NRXN2: variants seen among roughly 807,000 people sequenced by gnomAD.
NRXN2 encodes neurexin-2-beta.
In NRXN2, 29 loss-of-function variants were observed where a neutral mutation model predicts 128.8. The ratio of observed to expected loss-of-function variants is 0.23; its 90% CI spans 0.17 to 0.31. The LOEUF (loss-of-function observed/expected upper bound fraction) is 0.31. Among genes scored for constraint, NRXN2 ranks in the 10% least tolerant of loss-of-function variants. The pLI, the probability that NRXN2 is intolerant of heterozygous loss-of-function variation, is 1.00. For synonymous variants in NRXN2, 1,098 were observed against 1,075.2 expected (o/e 1.02, Z -0.41); for missense variants, 1,881 against 2,452.6 (o/e 0.77, Z 4.92).
At chr11:64,686,350 T>A (rs1416938960) in intron 5 of NRXN2, among the ~76,000 whole-genome samples, 1 of 152,108 alleles carries the variant, frequency 6.6e-6, no homozygotes, top group Non-Finnish European at 1.5e-5. Flanking sequence ...CCCTGGGTGC[T>A]CCTCCCGTAT....
chr11:64,720,173 C>G (rs1184733766), intron 1 of NRXN2, among the ~76,000 whole-genome samples: 3 of 152,250 alleles, frequency 2.0e-5, no homozygotes, highest in East Asian at 3.8e-4. Context: ...CCATGCCAAA[C>G]AGTGGTGGTG....
intron 6 of NRXN2, among the ~76,000 whole-genome samples, chr11:64,684,847 C>G (rs751473502): frequency 6.6e-6 from 1 of 152,196 alleles, no homozygotes. Context: ...CCAGTGGGAG[C>G]ATCTGGGAAC....
intron 18 of NRXN2, among the ~76,000 whole-genome samples, chr11:64,633,548 G>C (rs562782734): frequency 6.6e-6 from 1 of 152,302 alleles, no homozygotes; most frequent in South Asian, 2.1e-4. Context: ...GGAGAAGAGA[G>C]AGAAGGAGCA....
At position 64,648,316 on chromosome 11, in the gene NRXN2, T is replaced by C; in HGVS notation, c.3306A>G (p.Glu1102=). Residue 1102 remains glutamate (E), a synonymous_variant, in exon 17 of 23, where the codon GAA becomes GAG. Coordinates refer to ENST00000265459, the MANE Select transcript of NRXN2 (RefSeq NM_015080.4). This position sits in a 1 kb window ranked among gnomAD's most constrained non-coding sequence, Gnocchi z 4.1. ...AGACGCCCTGGTTGGCACAGGACTCTTCAGTGCAGGTGGTGCTGGGGCCTG... is the reference window on the plus strand; with the variant it reads ...AGACGCCCTGGTTGGCACAGGACTCCTCAGTGCAGGTGGTGCTGGGGCCTG... The part of the protein sequence containing the change: ...GCDGPSTTCT[E]ESCANQGVCL... 4 of 1,614,182 alleles carry C rather than the reference T, an allele frequency of 2.5e-6. No homozygotes were observed. The highest frequency in any genetic ancestry group is 3.4e-6 in the Non-Finnish European group (4 of 1,180,026).
chr11:64,694,576 T>C (rs2054245624), intron 3 of NRXN2, among the ~76,000 whole-genome samples: 1 of 152,184 alleles, frequency 6.6e-6, no homozygotes, highest in South Asian at 2.1e-4. Flanking sequence ...CCACAGCCGC[T>C]GAGGGCAGCC....
intron 20 of NRXN2, among the ~76,000 whole-genome samples, chr11:64,625,057 ACTTCGGGCACTAC>A (rs1257874409): frequency 1.3e-5 from 2 of 152,214 alleles, no homozygotes; most frequent in African/African-American, 2.4e-5. Context: ...CTTCTTTCAC[ACTTCGGGCACTAC>A]CTCTCTAATC....
Position 64,607,550 on chromosome 11 carries a change from G to A in NRXN2, c.4785C>T (p.Pro1595=), listed in dbSNP as rs1454891081. 6.4e-7 allele frequency: 1 copy of A among 1,551,008 alleles called. No individual in the cohort carries two copies. The highest frequency in any genetic ancestry group is 8.7e-7 in the Non-Finnish European group (1 of 1,152,304). The change falls in exon 23 of 23, where the codon CCC becomes CCT. Residue 1595 remains proline, a synonymous_variant. Transcript: ENST00000265459. ...GGGCTGAGGTCACGCCGGGGCGCAGGGGAGGGGGCCTCCGCGGCTCAAAGG... is the reference window on the plus strand; with the variant it reads ...GGGCTGAGGTCACGCCGGGGCGCAGAGGAGGGGGCCTCCGCGGCTCAAAGG... ...PTSFEPRRPP[P]LRPGVTSAPG...
At position 64,652,072 on chromosome 11, in the gene NRXN2, C is replaced by A; in HGVS notation, c.2499G>T (p.Lys833Asn). The A allele has an allele frequency of 6.2e-7, 1 of 1,613,406 alleles. No homozygotes were observed. The highest frequency in any genetic ancestry group is 1.1e-5 in the South Asian group (1 of 91,084). The change falls in exon 13 of 23, where the codon AAG (lysine) becomes AAT (asparagine). Residue 833 changes from lysine to asparagine, a missense_variant. Physicochemically the swap from Lys to Asn is moderately conservative, Grantham distance 94 (BLOSUM62 0). Around this residue, in one of 7 missense-constraint regions of NRXN2, gnomAD observed 997 missense variants for 1,240.8 expected, o/e 0.80. Transcript: ENST00000265459. ...WHTVRVVRRG[K>N]SLQLSVDNVT... ...CGTTGTCCACAGACAGCTGCAGGCTCTTGCCACGCCGGACCACCCTCACCG... is the reference window on the plus strand; with the variant it reads ...CGTTGTCCACAGACAGCTGCAGGCTATTGCCACGCCGGACCACCCTCACCG...
At position 64,667,528 on chromosome 11, in the gene NRXN2, G is replaced by T; in HGVS notation, c.1520C>A (p.Pro507His). Residue 507 changes from proline (P) to histidine (H), a missense_variant, in exon 9 of 23, where the codon CCC (proline) becomes CAC (histidine). This residue lies in a region of NRXN2 where 997 missense variants were observed against 1,240.8 expected (regional missense o/e 0.80). Transcript: ENST00000265459. The surrounding 1 kb of genome is among the most constrained non-coding windows in gnomAD (Gnocchi z 5.6). ...FESPEAFVAL[P>H]RWSAKRTGSI... ...GCCAGTGCGCTTAGCGCTCCAGCGG[G>T]GCAGCGCCACAAAGGCCTCGGGACT... The T allele has an allele frequency of 6.2e-7, 1 of 1,614,136 alleles. No homozygotes were observed. The highest frequency in any genetic ancestry group is 8.5e-7 in the Non-Finnish European group (1 of 1,179,996).
rs769313865 is a variant in NRXN2 at position 64,685,627 on chromosome 11, T to C, written c.1152+19A>G. The C allele has an allele frequency of 4.3e-6, 7 of 1,614,058 alleles. No individual in the cohort carries two copies. The South Asian group carries it at 7.7e-5, about 18-fold the overall frequency. On this transcript the variant is annotated intron_variant, in intron 6 of 22. Coordinates refer to ENST00000265459, the MANE Select transcript of NRXN2 (RefSeq NM_015080.4). ...CCCCAGGTATAGCTAATCCCTGGCC[T>C]TCTTCTCACTCCTCCTACCTGGCGC...
chr11:64,656,951 C>T (rs189243747), intron 11 of NRXN2, among the ~76,000 whole-genome samples: 1 of 152,318 alleles, frequency 6.6e-6, no homozygotes, highest in East Asian at 1.9e-4. Flanking sequence ...TCTCTTGAGG[C>T]TAGCACTAAG....
At chr11:64,621,498 G>A (rs192462293) in intron 21 of NRXN2, among the ~76,000 whole-genome samples, 3 of 152,290 alleles carry the variant, frequency 2.0e-5, no homozygotes, top group African/African-American at 4.8e-5. Flanking sequence ...GTGGGTACAG[G>A]CTTGTCTCTC....
intron 17 of NRXN2, among the ~76,000 whole-genome samples, chr11:64,637,715 G>A (rs1166573145): frequency 7.2e-5 from 11 of 152,110 alleles, no homozygotes; most frequent in Admixed American, 6.5e-4. Context: ...TGGGTTTCTT[G>A]ATCCCTCAGA....
chr11:64,699,276 C>T (rs931107947), intron 2 of NRXN2, among the ~76,000 whole-genome samples: 7 of 152,134 alleles, frequency 4.6e-5, no homozygotes, highest in African/African-American at 1.4e-4. Context: ...ATACAGCCAG[C>T]GATGAACACA....
chr11:64,655,254 C>T (rs1232597273), intron 11 of NRXN2, among the ~76,000 whole-genome samples: 1 of 152,178 alleles, frequency 6.6e-6, no homozygotes, highest in Non-Finnish European at 1.5e-5. Context: ...CAGCCAGGAC[C>T]CTGGGCCACA....
chr11:64,693,271 G>GTTC (rs2054080971), intron 3 of NRXN2, among the ~76,000 whole-genome samples: 2 of 150,946 alleles, frequency 1.3e-5, no homozygotes, highest in African/African-American at 2.4e-5. Context: ...AAAAGGAGGA[G>GTTC]AAGCATTAGG....
intron 17 of NRXN2, among the ~76,000 whole-genome samples, chr11:64,645,710 T>G (rs981582352): frequency 1.3e-5 from 2 of 151,990 alleles, no homozygotes; most frequent in South Asian, 2.1e-4. Flanking sequence ...ATGTCACAGA[T>G]GGAGAAATTG....
At chr11:64,698,962 A>T (rs1375626543) in intron 2 of NRXN2, among the ~76,000 whole-genome samples, 1 of 152,204 alleles carries the variant, frequency 6.6e-6, no homozygotes, top group East Asian at 1.9e-4. Context: ...GTGGGGAAAC[A>T]CATACTTGCA....
intron 17 of NRXN2, among the ~76,000 whole-genome samples, chr11:64,647,009 C>T (rs561692199): frequency 6.6e-6 from 1 of 152,002 alleles, no homozygotes; most frequent in Non-Finnish European, 1.5e-5. Context: ...AAACTAACAC[C>T]ACCCAAGAGC....
Sources: allele counts gnomAD v4.1 joint callset (sites outside exome capture counted in the v4.1 genomes callset), GRCh38; gene constraint gnomAD v4.1.1; regional missense constraint gnomAD v4.1.1; non-coding constraint Gnocchi (gnomAD v3.1); transcripts MANE v1.5; gene names NCBI Gene and HGNC (gene_info 2026-07-23, HGNC 2026-07-21).